CSMD3: variants seen among roughly 807,000 people sequenced by gnomAD.
The protein encoded by CSMD3 is CUB and Sushi multiple domains 3.
CSMD3 carries 177 observed loss-of-function variants against 435.2 expected under a neutral mutation model. The observed-to-expected ratio is 0.41, with a 90% CI of 0.36 to 0.46. CSMD3 has a LOEUF of 0.46. Ranked by LOEUF, CSMD3 falls within the 20% of genes least tolerant of loss-of-function variation. The pLI is 0.34. For synonymous variants in CSMD3, 1,656 were observed against 1,520.5 expected (o/e 1.09, Z -2.07); for missense variants, 4,265 against 4,504.6 (o/e 0.95, Z 1.52).
chr8:112,257,006 C>T (rs543386740), intron 61 of CSMD3, among the ~76,000 whole-genome samples: 2 of 152,108 alleles, frequency 1.3e-5, no homozygotes, highest in Non-Finnish European at 2.9e-5. Context: ...CCTTAATGTC[C>T]AAATAAAACC....
At chr8:113,406,257 A>G (rs1273119259) in intron 1 of CSMD3, among the ~76,000 whole-genome samples, 1 of 151,898 alleles carries the variant, frequency 6.6e-6, no homozygotes. Context: ...GCACTTTTGA[A>G]GTACCCTGGA....
chr8:112,487,410 C>T (rs1178725432), intron 31 of CSMD3, among the ~76,000 whole-genome samples: 2 of 152,126 alleles, frequency 1.3e-5, no homozygotes, highest in African/African-American at 4.8e-5. Flanking sequence ...GAAGTCTGAT[C>T]AGTGCTTTGA....
At chr8:112,671,485 C>T (rs2075654586) in intron 16 of CSMD3, among the ~76,000 whole-genome samples, 1 of 152,136 alleles carries the variant, frequency 6.6e-6, no homozygotes, top group Non-Finnish European at 1.5e-5. Flanking sequence ...TTTCTACTAG[C>T]TCACCCCAAT....
Position 112,390,713 on chromosome 8 carries a change from T to C in CSMD3, c.5885A>G (p.Asn1962Ser), listed in dbSNP as rs1830337205. ...TGTGATCTTCCACACACAATTCAGA[T>C]TGTTGTCATAAGGCTCAGGGTATCC... ...SPGYPEPYDN[N>S]LNCVWKITVP... Residue 1962 changes from asparagine to serine, a missense_variant, in exon 36 of 71, where the codon AAT becomes AGT. Transcript: ENST00000297405. The C allele has an allele frequency of 6.2e-7, 1 of 1,613,122 alleles. No individual in the cohort carries two copies.
intron 22 of CSMD3, among the ~76,000 whole-genome samples, chr8:112,612,361 G>T (rs1833323841): frequency 6.6e-6 from 1 of 152,148 alleles, no homozygotes; most frequent in Non-Finnish European, 1.5e-5. Flanking sequence ...AGTTGATGGG[G>T]TTCAGATTCT....
At chr8:112,514,424 GT>G (rs1823464957) in intron 28 of CSMD3, among the ~76,000 whole-genome samples, 1 of 152,100 alleles carries the variant, frequency 6.6e-6, no homozygotes, top group African/African-American at 2.4e-5. Flanking sequence ...CATGAATTAA[GT>G]TTTCAGTAAT....
intron 66 of CSMD3, among the ~76,000 whole-genome samples, chr8:112,239,210 C>T (rs2130024536): frequency 6.6e-6 from 1 of 152,180 alleles, no homozygotes. Flanking sequence ...TGAGGCATCC[C>T]TGGAGTCTCT....
chr8:112,697,121 T>C (rs1295722012), intron 13 of CSMD3, among the ~76,000 whole-genome samples: 3 of 151,866 alleles, frequency 2.0e-5, no homozygotes, highest in Non-Finnish European at 4.4e-5. Flanking sequence ...ACTTTTACAC[T>C]GTTGGTGGGA....
rs1474410213 is a variant in CSMD3 at position 112,656,475 on chromosome 8, T to G, written c.2817-134A>C. On this transcript the variant is annotated intron_variant, in intron 17 of 70. Transcript: ENST00000297405. ...TTATAATTTTCTTTAGCTTATCTAA[T>G]ATCTAAGATATCATTTAAGACACCA... 4 of 588,998 alleles carry G rather than the reference T, an allele frequency of 6.8e-6. No individual in the cohort carries two copies. In the African/African-American group the frequency reaches 7.6e-5, roughly 11 times the overall value. 36.5% of individuals were successfully genotyped at this position (588,998 alleles called of 1,614,324 possible).
At chr8:112,415,699 C>A (rs1369189591) in intron 32 of CSMD3, among the ~76,000 whole-genome samples, 2 of 152,192 alleles carry the variant, frequency 1.3e-5, no homozygotes, top group Non-Finnish European at 2.9e-5. Flanking sequence ...CCCTGCAATG[C>A]CACAGAGGTG....
chr8:112,561,341 G>A (rs1471690917), intron 24 of CSMD3, among the ~76,000 whole-genome samples: 1 of 151,562 alleles, frequency 6.6e-6, no homozygotes, highest in Non-Finnish European at 1.5e-5. Flanking sequence ...AAAATGAACT[G>A]ATAATCCCCA....
chr8:112,420,457 G>A lies in CSMD3; in HGVS notation c.5396-11425C>T, dbSNP rs537176406. ...TCATCAAATAACTATTTCTTGTTCC[G>A]ATTTCCCTGATTTTACCCAAAAATA... On this transcript the variant is annotated intron_variant, in intron 32 of 70. Transcript: ENST00000297405. Among the ~76,000 whole-genome samples the A allele has an allele frequency of 1.3e-4, 20 of 152,012 alleles. No individual in the cohort carries two copies. The South Asian group carries it at 3.1e-3, about 24-fold the overall frequency.
intron 1 of CSMD3, among the ~76,000 whole-genome samples, chr8:113,418,930 T>G (rs2129914112): frequency 6.6e-6 from 1 of 152,234 alleles, no homozygotes; most frequent in African/African-American, 2.4e-5. Context: ...CTGGAGAAAT[T>G]TAGCCAATTC....
intron 54 of CSMD3, among the ~76,000 whole-genome samples, chr8:112,293,290 T>TA (rs1415095281): frequency 6.6e-6 from 1 of 152,056 alleles, no homozygotes; most frequent in Non-Finnish European, 1.5e-5. Flanking sequence ...TCTTGTGCTT[T>TA]AAAAAACAAA....
intron 1 of CSMD3, among the ~76,000 whole-genome samples, chr8:113,330,685 T>A (rs2094020854): frequency 6.6e-6 from 1 of 151,860 alleles, no homozygotes; most frequent in Non-Finnish European, 1.5e-5. Context: ...TAAAAATTGT[T>A]ACAGAGGTAA....
At chr8:112,319,298 C>T (rs534174497) in intron 46 of CSMD3, among the ~76,000 whole-genome samples, 14 of 152,020 alleles carry the variant, frequency 9.2e-5, no homozygotes, top group East Asian at 1.9e-4. Context: ...GAAGTTACAT[C>T]GGTCACTGAT....
intron 12 of CSMD3, among the ~76,000 whole-genome samples, chr8:112,826,456 C>T (rs548173337): frequency 3.3e-5 from 5 of 151,880 alleles, no homozygotes; most frequent in Non-Finnish European, 7.4e-5. Flanking sequence ...GCCCTGGTGG[C>T]GTGTGCTTGT....
chr8:112,235,905 T>C (rs1202076648), intron 67 of CSMD3, among the ~76,000 whole-genome samples: 1 of 152,034 alleles, frequency 6.6e-6, no homozygotes, highest in Non-Finnish European at 1.5e-5. Flanking sequence ...TTATCTAGAT[T>C]AGAATAAGTA....
chr8:113,343,792 C>A (rs1195184151), intron 1 of CSMD3, among the ~76,000 whole-genome samples: 1 of 152,110 alleles, frequency 6.6e-6, no homozygotes, highest in Non-Finnish European at 1.5e-5. Flanking sequence ...TGCACTCAAG[C>A]CGGGTGCGGT....
Sources: gnomAD v4.1 joint callset for allele counts (sites outside exome capture counted in the v4.1 genomes callset) on GRCh38, gnomAD v4.1.1 for gene constraint, MANE v1.5 for transcripts, NCBI Gene and HGNC (gene_info 2026-07-23, HGNC 2026-07-21) for gene names.